The following TMEM267 variants were observed in gnomAD, a reference collection of about 807,000 sequenced individuals.
TMEM267 encodes the protein transmembrane protein C5orf28.
TMEM267 carries 20 observed loss-of-function variants against 19.3 expected under a neutral mutation model. That is an observed-to-expected ratio of 1.04 (90% CI 0.73 to 1.51). TMEM267 has a LOEUF of 1.51. TMEM267 is among the 40% of genes most tolerant of loss of function. The pLI is 0.00. For missense variants in TMEM267, 242 were observed against 261.9 expected (o/e 0.92, Z 0.52); for synonymous variants, 88 against 90.3 (o/e 0.97, Z 0.15).
intron 1 of TMEM267, among the ~76,000 whole-genome samples, chr5:43,461,976 T>A (rs1481438876): frequency 6.6e-6 from 1 of 152,150 alleles, no homozygotes; most frequent in South Asian, 2.1e-4. Flanking sequence ...ATAGCAGGCA[T>A]TGTGTGAGAC....
chr5:43,463,038 C>T (rs1353206614), intron 1 of TMEM267, among the ~76,000 whole-genome samples: 2 of 151,970 alleles, frequency 1.3e-5, no homozygotes, highest in Non-Finnish European at 2.9e-5. Context: ...CGATAGACCG[C>T]TAGCAAGACT....
At chr5:43,449,509 G>GA (rs1378940147) in intron 2 of TMEM267, among the ~76,000 whole-genome samples, 1 of 152,094 alleles carries the variant, frequency 6.6e-6, no homozygotes, top group Non-Finnish European at 1.5e-5. Context: ...GAGCCCATCT[G>GA]AAAAAACTGA....
At chr5:43,457,487 TAA>T (rs1285430746) in intron 1 of TMEM267, among the ~76,000 whole-genome samples, 1 of 152,052 alleles carries the variant, frequency 6.6e-6, no homozygotes, top group East Asian at 1.9e-4. Context: ...TGGTGGAAGG[TAA>T]AGAGGAAGGA....
At chr5:43,463,851 C>A (rs964312412) in intron 1 of TMEM267, among the ~76,000 whole-genome samples, 1 of 152,236 alleles carries the variant, frequency 6.6e-6, no homozygotes, top group African/African-American at 2.4e-5. Flanking sequence ...CAATATCATA[C>A]GGAATGGGCA....
intron 1 of TMEM267, among the ~76,000 whole-genome samples, chr5:43,477,767 G>A (rs1173153157): frequency 6.6e-6 from 1 of 152,146 alleles, no homozygotes; most frequent in African/African-American, 2.4e-5. Context: ...TTTGTTTCTT[G>A]CTCTCAATAC....
chr5:43,461,240 C>T (rs558187118), intron 1 of TMEM267, among the ~76,000 whole-genome samples: 7 of 152,302 alleles, frequency 4.6e-5, no homozygotes, highest in African/African-American at 1.7e-4. Context: ...CATTCATCAC[C>T]TGCTAACTGA....
chr5:43,476,909 A>G (rs1028250185), intron 1 of TMEM267, among the ~76,000 whole-genome samples: 1 of 151,456 alleles, frequency 6.6e-6, no homozygotes, highest in African/African-American at 2.4e-5. Context: ...AAAATTTTTG[A>G]GGCCAGGAGT....
intron 1 of TMEM267, among the ~76,000 whole-genome samples, chr5:43,473,140 A>AAC: frequency 3.6e-5 from 1 of 27,446 alleles, no homozygotes; most frequent in African/African-American, 3.9e-4. Flanking sequence ...TCCGTGTCAC[A>AAC]AAAAAAAAAA....
At chr5:43,446,877 TGG>T (rs1742274078) in intron 2 of TMEM267, among the ~76,000 whole-genome samples, 2 of 152,080 alleles carry the variant, frequency 1.3e-5, no homozygotes, top group South Asian at 2.1e-4. Context: ...TTGTGTAATT[TGG>T]AGTTTTATAT....
intron 1 of TMEM267, among the ~76,000 whole-genome samples, chr5:43,456,106 G>A (rs1742933884): frequency 6.6e-6 from 1 of 151,972 alleles, no homozygotes; most frequent in Non-Finnish European, 1.5e-5. Context: ...AAAGTGCTGA[G>A]ATTACAGGCA....
intron 1 of TMEM267, among the ~76,000 whole-genome samples, 165 bp from the exon 2 acceptor site, chr5:43,454,208 AT>A (rs374076278): frequency 0.022 from 2,956 of 133,612 alleles, 47 homozygotes; most frequent in South Asian, 0.045. Flanking sequence ...AGGAGAATAG[AT>A]TTTTTTTTTT....
intron 1 of TMEM267, among the ~76,000 whole-genome samples, chr5:43,457,867 A>C (rs1743043330): frequency 6.6e-6 from 1 of 152,150 alleles, no homozygotes; most frequent in South Asian, 2.1e-4. Context: ...ATTTTTCTGT[A>C]TGTTTGAAAT....
chr5:43,468,663 T>C (rs1435906801), intron 1 of TMEM267, among the ~76,000 whole-genome samples: 1 of 152,216 alleles, frequency 6.6e-6, no homozygotes, highest in African/African-American at 2.4e-5. Context: ...ATAAACTTTC[T>C]AAATTAACTG....
At chr5:43,474,134 A>T (rs1313764460) in intron 1 of TMEM267, among the ~76,000 whole-genome samples, 1 of 152,256 alleles carries the variant, frequency 6.6e-6, no homozygotes. Context: ...TTAAAGACTT[A>T]AACGTAAGAC....
At chr5:43,469,851 A>G (rs924399115) in intron 1 of TMEM267, among the ~76,000 whole-genome samples, 6 of 152,212 alleles carry the variant, frequency 3.9e-5, no homozygotes, top group African/African-American at 1.2e-4. Flanking sequence ...TTTACCCTGA[A>G]ACAGTTCCAC....
intron 1 of TMEM267, among the ~76,000 whole-genome samples, chr5:43,461,390 T>C (rs1341326705): frequency 6.6e-6 from 1 of 152,138 alleles, no homozygotes; most frequent in Non-Finnish European, 1.5e-5. Context: ...AAACTCCCTC[T>C]GTTTGACAAA....
At position 43,458,282 on chromosome 5, in the gene TMEM267, T is replaced by G. The variant is rs994526549; in HGVS notation, c.-74-4239A>C. ...TGCCTGGCTAATTTTTAAATTTTTT[T>G]GTAGAGATGGAATTTCACCATGTTG... On this transcript the variant is annotated intron_variant, in intron 1 of 2. Transcript: ENST00000397080. 5.9e-5 allele frequency among the ~76,000 whole-genome samples: 9 copies of G among 152,200 alleles called. 1 individual carries two copies. The South Asian group carries it at 6.2e-4, about 11-fold the overall frequency.
At chr5:43,467,807 T>C (rs1328410528) in intron 1 of TMEM267, among the ~76,000 whole-genome samples, 2 of 152,152 alleles carry the variant, frequency 1.3e-5, no homozygotes, top group Non-Finnish European at 2.9e-5. Context: ...CAGAGATAGA[T>C]ACATATTCTG....
intron 1 of TMEM267, among the ~76,000 whole-genome samples, chr5:43,482,152 T>C (rs1744824963): frequency 6.6e-6 from 1 of 152,198 alleles, no homozygotes; most frequent in Non-Finnish European, 1.5e-5. Flanking sequence ...CCCTACTGTC[T>C]ACTGTTTTAA....
Sources: allele counts gnomAD v4.1 joint callset (sites outside exome capture counted in the v4.1 genomes callset), GRCh38; gene constraint gnomAD v4.1.1; transcripts MANE v1.5; gene names NCBI Gene and HGNC (gene_info 2026-07-23, HGNC 2026-07-21).